The following ARHGAP35 variants were observed in gnomAD, a reference collection of about 807,000 sequenced individuals.
The protein encoded by ARHGAP35 is rho GTPase-activating protein 35.
Under a neutral mutation model 111.1 loss-of-function variants are expected in ARHGAP35, and 15 were observed. The observed-to-expected ratio is 0.13, with a 90% confidence interval of 0.09 to 0.21. The LOEUF is 0.21. Ranked by LOEUF, ARHGAP35 falls within the 10% of genes least tolerant of loss-of-function variation. The pLI is 1.00. For missense variants in ARHGAP35, 1,262 were observed against 1,873.0 expected, an observed-to-expected ratio of 0.67 and a Z score of 6.02; for synonymous variants, 643 against 710.3, an observed-to-expected ratio of 0.91 and a Z score of 1.51.
chr19:46,975,030 C>A (rs1307919966), intron 3 of ARHGAP35, among the ~76,000 whole-genome samples: 2 of 152,064 alleles, frequency 1.3e-5, no homozygotes, highest in African/African-American at 4.8e-5. Context: ...GCCACCACAC[C>A]CGGGTAATTT....
intron 1 of ARHGAP35, among the ~76,000 whole-genome samples, chr19:46,911,836 A>G (rs771323012): frequency 2.0e-5 from 3 of 152,230 alleles, no homozygotes; most frequent in Non-Finnish European, 4.4e-5. Context: ...TCTGGATTTT[A>G]CAGATGAATG....
intron 3 of ARHGAP35, among the ~76,000 whole-genome samples, chr19:46,969,912 C>G (rs2056535539): frequency 6.6e-6 from 1 of 152,214 alleles, no homozygotes; most frequent in African/African-American, 2.4e-5. Flanking sequence ...ACCAGGAGAG[C>G]TGGACCCCTG....
chr19:46,920,752 T>G lies in ARHGAP35; in HGVS notation c.2077T>G (p.Leu693Val). The part of the protein sequence containing the change: ...ESTLGRRDNH[L>V]VHLPLTLILV... ...CACGCTGGGCCGGCGGGATAATCATTTAGTCCATCTCCCCCTTACATTAAT... is the reference window on the plus strand; with the variant it reads ...CACGCTGGGCCGGCGGGATAATCATGTAGTCCATCTCCCCCTTACATTAAT... Residue 693 changes from leucine to valine, a missense_variant, in exon 2 of 7, where the codon TTA becomes GTA. By Grantham distance (32) the Leu-to-Val change is conservative. This residue lies in a region of ARHGAP35 where 579 missense variants were observed against 716.9 expected (regional missense o/e 0.81). Transcript: ENST00000672722. This position sits in a 1 kb window ranked among gnomAD's most constrained non-coding sequence, Gnocchi z 7.0. The G allele has an allele frequency of 6.2e-7, 1 of 1,610,654 alleles. No individual in the cohort carries two copies. The highest frequency in any genetic ancestry group is 8.5e-7 in the Non-Finnish European group (1 of 1,178,248).
chr19:46,931,613 G>A (rs1201108657), intron 2 of ARHGAP35, among the ~76,000 whole-genome samples: 1 of 152,138 alleles, frequency 6.6e-6, no homozygotes, highest in Non-Finnish European at 1.5e-5. Flanking sequence ...CAAAAATCAG[G>A]TGTGTTTTTA....
At chr19:46,911,565 T>C (rs1346856608) in intron 1 of ARHGAP35, among the ~76,000 whole-genome samples, 1 of 152,240 alleles carries the variant, frequency 6.6e-6, no homozygotes, top group Non-Finnish European at 1.5e-5. Context: ...ATCTATCAAA[T>C]GGGGACCTTT....
chr19:46,933,193 G>T (rs1447852915), intron 2 of ARHGAP35, among the ~76,000 whole-genome samples: 3 of 144,684 alleles, frequency 2.1e-5, no homozygotes, highest in Non-Finnish European at 4.5e-5. Flanking sequence ...ACCCAGGCTG[G>T]AGTGCAGTGG....
Position 47,002,885 on chromosome 19 carries a change from A to C in ARHGAP35, c.*2197A>C, listed in dbSNP as rs528465355. On this transcript the variant is annotated 3_prime_UTR_variant, in exon 7 of 7. Transcript: ENST00000672722. ...ATGTGCGGCCAGTGACTTCCCCAGGAGTGTGGAGGGGGTGGTGAGGAGGAG... is the reference window on the plus strand; with the variant it reads ...ATGTGCGGCCAGTGACTTCCCCAGGCGTGTGGAGGGGGTGGTGAGGAGGAG... The C allele has an allele frequency of 6.6e-6, 1 of 152,332 alleles. No homozygotes were observed. Among genetic ancestry groups the C allele is most frequent in the South Asian group, 2.1e-4 (1 of 4,826 alleles). 9.4% of individuals were successfully genotyped at this position (152,332 alleles called of 1,614,324 possible). A position where few individuals can be genotyped will look rare whatever the true frequency, so the allele number is the denominator to read the frequency against.
intron 3 of ARHGAP35, among the ~76,000 whole-genome samples, chr19:46,984,793 A>G (rs11881454): frequency 0.016 from 2,400 of 152,284 alleles, 64 homozygotes; most frequent in African/African-American, 0.055. Context: ...CAGCAGGTCC[A>G]CACCACTGAT....
intron 1 of ARHGAP35, among the ~76,000 whole-genome samples, chr19:46,903,480 T>G (rs2056091383): frequency 6.6e-6 from 1 of 152,218 alleles, no homozygotes; most frequent in Admixed American, 6.5e-5. Context: ...GGGCATTCTG[T>G]GCATATGTAA....
At position 46,891,635 on chromosome 19, in the gene ARHGAP35, C is replaced by T. The variant is rs150109982; in HGVS notation, c.-188-26853C>T. On this transcript the variant is annotated intron_variant, in intron 1 of 6. Transcript: ENST00000672722. ...AGAGACGGAGTTTCACCATGTTGGC[C>T]AGGATGGTCTCAATCTCTTGACATC... Among the ~76,000 whole-genome samples, 971 of 152,050 alleles carry T rather than the reference C, an allele frequency of 6.4e-3. 9 individuals carry two copies. Among genetic ancestry groups the T allele is most frequent in the African/African-American group, 0.022 (924 of 41,484 alleles).
intron 3 of ARHGAP35, among the ~76,000 whole-genome samples, chr19:46,979,048 G>C (rs1432687162): frequency 1.5e-5 from 2 of 137,836 alleles, no homozygotes; most frequent in African/African-American, 5.4e-5. Context: ...TGTGGTGTGT[G>C]GTGGGATGTG....
chr19:46,942,815 CAGAAAAAAA>C (rs1396785294), intron 3 of ARHGAP35, among the ~76,000 whole-genome samples: 2 of 42,290 alleles, frequency 4.7e-5, no homozygotes, highest in African/African-American at 1.0e-4. Context: ...GACCCTGTCT[CAGAAAAAAA>C]AAAAAAAAAA....
At chr19:46,990,049 A>G (rs1369613558) in intron 5 of ARHGAP35, among the ~76,000 whole-genome samples, 2 of 152,184 alleles carry the variant, frequency 1.3e-5, no homozygotes, top group Non-Finnish European at 2.9e-5. Flanking sequence ...AAAGGCCTAG[A>G]AGTGAGGCTG....
Position 46,919,560 on chromosome 19 carries a change from C to T in ARHGAP35, c.885C>T (p.Val295=). 6.2e-7 allele frequency: 1 copy of T among 1,613,890 alleles called. No individual in the cohort carries two copies. Among genetic ancestry groups the T allele is most frequent in the Non-Finnish European group, 8.5e-7 (1 of 1,179,868 alleles). The change falls in exon 2 of 7, where the codon GTC becomes GTT. Residue 295 remains valine (V), a synonymous_variant. Coordinates refer to ENST00000672722, the MANE Select transcript of ARHGAP35 (RefSeq NM_004491.5). The surrounding 1 kb of genome is among the most constrained non-coding windows in gnomAD (Gnocchi z 6.2). ...VKNHNENWLS[V]SRKMQASPEY... ...ACCACAATGAGAACTGGCTGAGTGT[C>T]AGCCGAAAGATGCAGGCCTCTCCAG...
intron 1 of ARHGAP35, among the ~76,000 whole-genome samples, chr19:46,905,570 G>A (rs952209901): frequency 1.3e-4 from 19 of 142,780 alleles, no homozygotes; most frequent in Non-Finnish European, 2.2e-4. Flanking sequence ...CCCCCCCCAA[G>A]ACAGAGTCTT....
intron 1 of ARHGAP35, among the ~76,000 whole-genome samples, chr19:46,888,289 TATATATATATATATATATATA>T (rs1277369722): frequency 8.2e-5 from 5 of 61,250 alleles, no homozygotes; most frequent in Non-Finnish European, 1.2e-4. Context: ...TATATATATA[TATATATATATATATATATATA>T]TATATATAAA....
intron 1 of ARHGAP35, among the ~76,000 whole-genome samples, chr19:46,883,306 G>C (rs2055973845): frequency 6.6e-6 from 1 of 151,610 alleles, no homozygotes; most frequent in Non-Finnish European, 1.5e-5. Flanking sequence ...CGCCATGTTG[G>C]CCAGGCTCGT....
intron 1 of ARHGAP35, among the ~76,000 whole-genome samples, chr19:46,891,431 T>TG (rs1264076308): frequency 2.7e-5 from 4 of 150,888 alleles, no homozygotes; most frequent in Non-Finnish European, 5.9e-5. Context: ...GTTTTTTTTT[T>TG]TTGTTTTTTT....
chr19:46,943,594 G>GTAT (rs1194407612), intron 3 of ARHGAP35, among the ~76,000 whole-genome samples: 4 of 152,168 alleles, frequency 2.6e-5, no homozygotes, highest in African/African-American at 7.2e-5. Flanking sequence ...TTTCCATGTA[G>GTAT]TATTCCAGGC....
Sources: gnomAD v4.1 joint callset for allele counts (sites outside exome capture counted in the v4.1 genomes callset) on GRCh38, gnomAD v4.1.1 for gene constraint, gnomAD v4.1.1 regional missense constraint, Gnocchi (gnomAD v3.1) non-coding constraint, MANE v1.5 for transcripts, NCBI Gene and HGNC (gene_info 2026-07-23, HGNC 2026-07-21) for gene names.